Variants in SGCD observed in about 807,000 individuals in gnomAD.
SGCD encodes the protein delta-sarcoglycan.
A neutral mutation model predicts 36.6 loss-of-function variants in SGCD; 18 were observed. The ratio of observed to expected loss-of-function variants is 0.49; its 90% CI spans 0.34 to 0.73. The LOEUF (loss-of-function observed/expected upper bound fraction) is 0.73, where lower values mean the gene tolerates loss of function less well. Among genes scored for constraint, SGCD ranks in the 30% least tolerant of loss-of-function variants. SGCD has a pLI of 0.01. For synonymous variants in SGCD, 133 were observed against 130.6 expected, an observed-to-expected ratio of 1.02 and a Z score of -0.12; for missense variants, 387 against 346.7, an observed-to-expected ratio of 1.12 and a Z score of -0.92.
chr5:156,442,465 A>G (rs1753538190), intron 3 of SGCD, among the ~76,000 whole-genome samples: 1 of 152,188 alleles, frequency 6.6e-6, no homozygotes, highest in Admixed American at 6.5e-5. Context: ...TGGTTGTTAA[A>G]TTATTTCATT....
chr5:155,945,536 G>A (rs1446640826), intron 1 of SGCD, among the ~76,000 whole-genome samples: 2 of 152,198 alleles, frequency 1.3e-5, no homozygotes, highest in African/African-American at 4.8e-5. Flanking sequence ...AGCCTGAGGA[G>A]CTGTGAAAGC....
rs1759955026 is a variant in SGCD at position 156,052,784 on chromosome 5, T to C, written c.-281-65094T>C. On this transcript the variant is annotated intron_variant, in intron 1 of 9. Coordinates refer to the SGCD transcript ENST00000517913. ...TTTCTTCCATGTCTCTCTTGCCATCTGTCATGATGGTGTTTTATTTGCTGC... is the reference window on the plus strand; with the variant it reads ...TTTCTTCCATGTCTCTCTTGCCATCCGTCATGATGGTGTTTTATTTGCTGC... Among the ~76,000 whole-genome samples the C allele has an allele frequency of 1.4e-5, 2 of 146,346 alleles. 1 individual carries two copies. Among genetic ancestry groups the C allele is most frequent in the Non-Finnish European group, 3.1e-5 (2 of 64,932 alleles).
At chr5:155,818,693 A>C in the SGCD span, among the ~76,000 whole-genome samples, 1 of 151,852 alleles carries the variant, frequency 6.6e-6, no homozygotes, top group Non-Finnish European at 1.5e-5. Context: ...GCTAGTTTTT[A>C]AATATTTTGT....
chr5:156,527,829 G>A (rs542437202), intron 4 of SGCD, among the ~76,000 whole-genome samples: 2 of 152,274 alleles, frequency 1.3e-5, no homozygotes, highest in African/African-American at 2.4e-5. Flanking sequence ...ACAGGGGGCC[G>A]AGGCCCTTGC....
At chr5:156,508,514 A>G (rs1404274398) in intron 3 of SGCD, 87 bp from the exon 4 acceptor site, 2 of 701,602 alleles carry the variant, frequency 2.9e-6, no homozygotes, top group Non-Finnish European at 2.5e-6. Flanking sequence ...AAAAAAAAAA[A>G]GGCTATAACT....
chr5:155,896,609 G>A (rs1037591148), intron 1 of SGCD, among the ~76,000 whole-genome samples: 6 of 151,290 alleles, frequency 4.0e-5, no homozygotes, highest in Non-Finnish European at 7.4e-5. Flanking sequence ...TCATGCCAAT[G>A]CAATCCAGCC....
chr5:156,296,501 T>C (rs2127681181), intron 3 of SGCD, among the ~76,000 whole-genome samples: 1 of 152,288 alleles, frequency 6.6e-6, no homozygotes. Context: ...CATTTTCATT[T>C]GTCTCTAAGT....
chr5:155,883,611 T>C, intron 1 of SGCD, among the ~76,000 whole-genome samples: 1 of 151,970 alleles, frequency 6.6e-6, no homozygotes. Context: ...AATATAATTA[T>C]AATAGTAACA....
At chr5:156,078,343 G>A (rs1354488744) in intron 1 of SGCD, among the ~76,000 whole-genome samples, 10 of 151,096 alleles carry the variant, frequency 6.6e-5, no homozygotes, top group South Asian at 2.1e-4. Flanking sequence ...ATGAAACCCC[G>A]TCTCTACTAA....
At chr5:155,935,597 A>G (rs1757177891) in intron 1 of SGCD, among the ~76,000 whole-genome samples, 2 of 152,242 alleles carry the variant, frequency 1.3e-5, no homozygotes, top group South Asian at 4.1e-4. Context: ...CAGTTAATTA[A>G]GGAGTAAGGT....
At position 156,579,704 on chromosome 5, in the gene SGCD, A is replaced by G. The variant is rs112689834; in HGVS notation, c.295-9527A>G. 2.5e-3 allele frequency among the ~76,000 whole-genome samples: 388 copies of G among 152,196 alleles called. 2 individuals carry two copies. The highest frequency in any genetic ancestry group is 8.8e-3 in the African/African-American group (365 of 41,522). Reference sequence around the variant, plus strand: ...TCTCTTTTATTCTTTGTTGGTTTAAAGTCTGTTTTATCAGAGACTAGGATT... The same window carrying G: ...TCTCTTTTATTCTTTGTTGGTTTAAGGTCTGTTTTATCAGAGACTAGGATT... On this transcript the variant is annotated intron_variant, in intron 4 of 8. Transcript: ENST00000337851.
At chr5:156,687,780 A>G (rs1251614482) in intron 7 of SGCD, among the ~76,000 whole-genome samples, 5 of 152,216 alleles carry the variant, frequency 3.3e-5, no homozygotes, top group Non-Finnish European at 5.9e-5. Flanking sequence ...ACTTAGTGCC[A>G]GGGAACAACA....
At chr5:156,184,112 C>T (rs911613088) in intron 3 of SGCD, among the ~76,000 whole-genome samples, 5 of 152,160 alleles carry the variant, frequency 3.3e-5, no homozygotes, top group Non-Finnish European at 5.9e-5. Flanking sequence ...AATCATCTAA[C>T]GTAAAGCCTG....
intron 4 of SGCD, among the ~76,000 whole-genome samples, chr5:156,538,841 C>A (rs1758232205): frequency 6.6e-6 from 1 of 152,102 alleles, no homozygotes; most frequent in South Asian, 2.1e-4. Flanking sequence ...GTCCCTTCAT[C>A]TTTTCAAAAT....
chr5:156,358,365 T>C (rs924989974), intron 3 of SGCD, among the ~76,000 whole-genome samples: 5 of 152,238 alleles, frequency 3.3e-5, no homozygotes, highest in African/African-American at 1.2e-4. Flanking sequence ...GTCTTGTTCA[T>C]TCACTAGTGG....
chr5:155,827,663 TA>T, the SGCD span, among the ~76,000 whole-genome samples: 1 of 146,388 alleles, frequency 6.8e-6, no homozygotes, highest in Non-Finnish European at 1.5e-5. Flanking sequence ...GCCTCTTCTC[TA>T]AATAATTCTT....
chr5:156,697,150 A>T (rs534750820), intron 7 of SGCD, among the ~76,000 whole-genome samples: 2 of 152,168 alleles, frequency 1.3e-5, no homozygotes, highest in South Asian at 4.1e-4. Flanking sequence ...GGTGATGAAA[A>T]TGTTCTAAAA....
intron 3 of SGCD, among the ~76,000 whole-genome samples, chr5:156,319,884 C>A (rs1767612926): frequency 6.6e-6 from 1 of 152,186 alleles, no homozygotes; most frequent in Non-Finnish European, 1.5e-5. Context: ...AAGTTATTTT[C>A]TCTGCAATCC....
At chr5:156,725,238 A>G (rs1206209646) in intron 7 of SGCD, among the ~76,000 whole-genome samples, 1 of 152,204 alleles carries the variant, frequency 6.6e-6, no homozygotes, top group East Asian at 1.9e-4. Flanking sequence ...AATGACTTAC[A>G]CTGTCTCAGG....
Sources: allele counts gnomAD v4.1 joint callset (sites outside exome capture counted in the v4.1 genomes callset), GRCh38; gene constraint gnomAD v4.1.1; transcripts MANE v1.5; gene names NCBI Gene and HGNC (gene_info 2026-07-23, HGNC 2026-07-21).